Variants in ABCC11 observed in about 807,000 individuals in gnomAD.
ABCC11 encodes ATP binding cassette subfamily C member 11, also known as ATP-binding cassette sub-family C member 11.
ABCC11 carries 135 observed loss-of-function variants against 149.3 expected under a neutral mutation model. The observed-to-expected ratio is 0.90, with a 90% CI of 0.79 to 1.04. The LOEUF is 1.04. ABCC11 is among the 50% of genes least tolerant of loss of function. The pLI, the probability that ABCC11 is intolerant of heterozygous loss-of-function variation, is 0.00. For synonymous variants in ABCC11, 665 were observed against 671.4 expected (o/e 0.99, Z 0.15); for missense variants, 1,680 against 1,722.1 (o/e 0.98, Z 0.43).
In ABCC11 at chr16:48,170,096, T is replaced by C. The variant is rs1370016543; in HGVS notation, c.3891+9A>G. ...GCTTCCCCTGGCCACACGGCAGTGG[T>C]GGCCTCACCTTGGAGTTGCGAAGCA... On this transcript the variant is annotated intron_variant, in intron 28 of 29. Coordinates refer to ENST00000356608, the MANE Select transcript of ABCC11 (RefSeq NM_001370497.1). 4.2e-5 allele frequency: 68 copies of C among 1,610,984 alleles called. No homozygotes were observed. Among genetic ancestry groups the C allele is most frequent in the Non-Finnish European group, 5.7e-5 (67 of 1,177,656 alleles).
chr16:48,209,628 G>T (rs1466685816), intron 11 of ABCC11: 1 of 153,214 alleles, frequency 6.5e-6, no homozygotes, highest in East Asian at 1.9e-4. Flanking sequence ...GTGGACCAGT[G>T]CAGGTCTACC....
intron 6 of ABCC11, among the ~76,000 whole-genome samples, chr16:48,219,735 C>T (rs528275324): frequency 1.3e-5 from 2 of 152,174 alleles, no homozygotes; most frequent in African/African-American, 2.4e-5. Flanking sequence ...AATCCCAGCA[C>T]TTTGGGAGGC....
In ABCC11 at chr16:48,216,115, G is replaced by T. The variant is rs11863236; in HGVS notation, c.950C>A (p.Ala317Glu). ...ILCYLLVFPLAVFMTRMAVKA... is the reference protein window; with the variant it reads ...ILCYLLVFPLEVFMTRMAVKA... Reference sequence around the variant, plus strand: ...ATGGGTGACAGAGAAAGACATTACCGCCAGTGGGAAAACCAGGAGATAGCA... The same window carrying T: ...ATGGGTGACAGAGAAAGACATTACCTCCAGTGGGAAAACCAGGAGATAGCA... The change falls in exon 7 of 30, where the codon GCG (alanine) becomes GAG (glutamate). Residue 317 changes from alanine (A) to glutamate (E), a missense_variant and splice_region_variant. Ala to Glu is a moderately radical substitution (Grantham distance 107). Coordinates refer to ENST00000356608, the MANE Select transcript of ABCC11 (RefSeq NM_001370497.1). The T allele has an allele frequency of 0.096, 154,916 of 1,612,498 alleles. 9,138 individuals carry two copies. Among genetic ancestry groups the T allele is most frequent in the African/African-American group, 0.28 (20,626 of 74,836 alleles).
intron 4 of ABCC11, among the ~76,000 whole-genome samples, chr16:48,227,583 C>G (rs1316732310): frequency 6.6e-6 from 1 of 151,914 alleles, no homozygotes; most frequent in African/African-American, 2.4e-5. Context: ...AATTCTTGCT[C>G]CAGAGAAAGA....
chr16:48,225,499 T>C (rs1383760885), intron 4 of ABCC11, among the ~76,000 whole-genome samples: 1 of 152,258 alleles, frequency 6.6e-6, no homozygotes, highest in East Asian at 1.9e-4. Context: ...ACTGGACTGA[T>C]TGCATCTCCA....
At chr16:48,207,414 C>T (rs993914659) in intron 12 of ABCC11, among the ~76,000 whole-genome samples, 1 of 152,118 alleles carries the variant, frequency 6.6e-6, no homozygotes, top group Admixed American at 6.5e-5. Context: ...ATCTATAATC[C>T]CAGCACTTTG....
At position 48,167,661 on chromosome 16, in the gene ABCC11, C is replaced by G. The variant is rs780774551; in HGVS notation, c.3892-1G>C. 7.4e-6 allele frequency: 12 copies of G among 1,614,036 alleles called. No individual in the cohort carries two copies. In the South Asian group the frequency reaches 1.3e-4, roughly 18 times the overall value. The stretch of plus-strand genomic sequence containing the variant: ...CTGTGGCTTCATCGATAAGGATGAT[C>G]TGATGAATACAAAACAGGGGTGAAG... On this transcript the variant is annotated splice_acceptor_variant, in intron 28 of 29. Transcript: ENST00000356608. LOFTEE classifies it high-confidence loss of function.
chr16:48,232,786 C>T (rs1970492518), intron 1 of ABCC11, among the ~76,000 whole-genome samples: 1 of 152,190 alleles, frequency 6.6e-6, no homozygotes, highest in South Asian at 2.1e-4. Flanking sequence ...TTTCTGTTGC[C>T]ATCCTGAAAT....
chr16:48,205,904 G>A (rs907179523), intron 12 of ABCC11, among the ~76,000 whole-genome samples: 2 of 150,332 alleles, frequency 1.3e-5, no homozygotes, highest in African/African-American at 2.5e-5. Context: ...TCCACCTCCC[G>A]GGTTCACACC....
chr16:48,225,568 C>T lies in ABCC11; in HGVS notation c.396-1139G>A, dbSNP rs191381127. ...GCTTCCTAATAAACTGGTCACTAGACCTAAGGCTTAATGAAATCCAGAATT... is the reference window on the plus strand; with the variant it reads ...GCTTCCTAATAAACTGGTCACTAGATCTAAGGCTTAATGAAATCCAGAATT... On this transcript the variant is annotated intron_variant, in intron 4 of 29. Transcript: ENST00000356608. 4.6e-5 allele frequency among the ~76,000 whole-genome samples: 7 copies of T among 152,220 alleles called. No individual in the cohort carries two copies. In the East Asian group the frequency reaches 1.2e-3, roughly 25 times the overall value.
rs1278625583 is a variant in ABCC11, at chr16:48,200,534, G to C, written c.1879-55C>G. ...CCAGACAGCAAGCACAGCCAGGTGT[G>C]CTCAAATGGGTAGGCAGATGTAGCA... On this transcript the variant is annotated intron_variant, in intron 14 of 29. Coordinates refer to ENST00000356608, the MANE Select transcript of ABCC11 (RefSeq NM_001370497.1). 6 of 1,565,680 alleles carry C rather than the reference G, an allele frequency of 3.8e-6. No homozygotes were observed. In the East Asian group the frequency reaches 1.4e-4, roughly 36 times the overall value.
At chr16:48,222,066 C>T (rs1326084540) in intron 6 of ABCC11, among the ~76,000 whole-genome samples, 1 of 150,688 alleles carries the variant, frequency 6.6e-6, no homozygotes, top group Non-Finnish European at 1.5e-5. Context: ...AGGCATGTAC[C>T]ACCAAGCCCA....
rs549392465 is a variant in ABCC11, at chr16:48,217,518, C to T, written c.778-1231G>A. Among the ~76,000 whole-genome samples the T allele has an allele frequency of 4.6e-5, 7 of 152,188 alleles. No homozygotes were observed. In the East Asian group the frequency reaches 1.4e-3, roughly 29 times the overall value. On this transcript the variant is annotated intron_variant, in intron 6 of 29. Transcript: ENST00000356608. ...GGCTGAGGCGGGAGGATTACTTGAG[C>T]CCGGCAGATCAAGGCTGCAATGAGC... is the stretch of plus-strand genomic sequence containing the variant.
At chr16:48,230,285 T>C in intron 3 of ABCC11, 152 bp downstream of exon 3, 19 of 861,334 alleles carry the variant, frequency 2.2e-5, no homozygotes, top group Non-Finnish European at 3.1e-5. Flanking sequence ...GCTATGACGA[T>C]GTGCCTCCCT....
chr16:48,210,869 G>A (rs1596781368), intron 11 of ABCC11, 79 bp downstream of exon 11: 1 of 1,541,166 alleles, frequency 6.5e-7, no homozygotes, highest in East Asian at 2.3e-5. Context: ...AGGAAATGGT[G>A]GGGCACCTGG....
chr16:48,213,360 C>T (rs944174869), intron 10 of ABCC11, 83 bp downstream of exon 10: 48 of 1,235,912 alleles, frequency 3.9e-5, no homozygotes, highest in Non-Finnish European at 5.2e-5. Context: ...GGCCAGGGGA[C>T]GTGTTCTGGA....
chr16:48,167,803 G>A lies in ABCC11; in HGVS notation c.3892-143C>T. 4 of 950,140 alleles carry A rather than the reference G, an allele frequency of 4.2e-6. No homozygotes were observed. The South Asian group carries it at 4.7e-5, about 11-fold the overall frequency. 58.9% of individuals were successfully genotyped at this position (950,140 alleles called of 1,614,324 possible). The stretch of plus-strand genomic sequence containing the variant: ...CTGGGAAATGGGAGAATTATGCCGA[G>A]TGCAAAGCCCGCTCTGATTGCTGAT... On this transcript the variant is annotated intron_variant, in intron 28 of 29. Coordinates refer to ENST00000356608, the MANE Select transcript of ABCC11 (RefSeq NM_001370497.1).
chr16:48,197,282 C>G (rs1364766958), intron 17 of ABCC11, among the ~76,000 whole-genome samples: 1 of 144,850 alleles, frequency 6.9e-6, no homozygotes, highest in Non-Finnish European at 1.5e-5. Context: ...CAAGATCAAG[C>G]CACTGTATTC....
At chr16:48,219,988 AAATT>A (rs1178321025) in intron 6 of ABCC11, among the ~76,000 whole-genome samples, 1 of 152,246 alleles carries the variant, frequency 6.6e-6, no homozygotes, top group African/African-American at 2.4e-5. Flanking sequence ...GCTCAAAAAT[AAATT>A]AATTAATTGA....
Sources: allele counts gnomAD v4.1 joint callset (sites outside exome capture counted in the v4.1 genomes callset), GRCh38; gene constraint gnomAD v4.1.1; transcripts MANE v1.5; gene names NCBI Gene and HGNC (gene_info 2026-07-23, HGNC 2026-07-21).